The following GAREM1 variants were observed in gnomAD, a reference collection of about 807,000 sequenced individuals.
GAREM1 encodes GRB2-associated and regulator of MAPK protein 1.
A neutral mutation model predicts 71.3 loss-of-function variants in GAREM1; 26 were observed. The observed-to-expected ratio is 0.36, with a 90% CI of 0.27 to 0.51. The LOEUF (loss-of-function observed/expected upper bound fraction) is 0.51. Ranked by LOEUF, GAREM1 falls within the 20% of genes least tolerant of loss-of-function variation. The pLI, the probability that GAREM1 is intolerant of heterozygous loss-of-function variation, is 0.95. For synonymous variants in GAREM1, 440 were observed against 433.2 expected, an observed-to-expected ratio of 1.02 and a Z score of -0.20; for missense variants, 1,026 against 1,103.1, an observed-to-expected ratio of 0.93 and a Z score of 0.99.
At chr18:32,433,172 C>T (rs1188652555) in intron 1 of GAREM1, among the ~76,000 whole-genome samples, 1 of 150,854 alleles carries the variant, frequency 6.6e-6, no homozygotes, top group African/African-American at 2.4e-5. Flanking sequence ...AACAACCCCA[C>T]ACAGGATCGT....
At chr18:32,353,751 G>A (rs985316529) in intron 2 of GAREM1, among the ~76,000 whole-genome samples, 2 of 152,132 alleles carry the variant, frequency 1.3e-5, no homozygotes, top group Admixed American at 6.5e-5. Flanking sequence ...ATAATTCTAT[G>A]CTGTTCTACA....
In GAREM1 at chr18:32,270,432, C is replaced by T. The variant is rs375053019; in HGVS notation, c.1567-49G>A. ...GGTTAGCAACAGACTGACAATGCCA[C>T]GGGGCGCCAGCTCAATCCTGAAGAC... On this transcript the variant is annotated intron_variant, in intron 4 of 5. Coordinates refer to ENST00000269209, the MANE Select transcript of GAREM1 (RefSeq NM_001242409.2). The T allele has an allele frequency of 1.2e-4, 190 of 1,520,162 alleles. 1 individual carries two copies. The highest frequency in any genetic ancestry group is 3.5e-4 in the South Asian group (28 of 80,810). The allele number at this position is 1,520,162 out of a possible 1,614,324, so 94.2% of individuals were successfully genotyped here. A position where few individuals can be genotyped will look rare whatever the true frequency, so the allele number is the denominator to read the frequency against.
intron 2 of GAREM1, among the ~76,000 whole-genome samples, chr18:32,358,264 T>C (rs555618094): frequency 6.6e-6 from 1 of 151,994 alleles, no homozygotes; most frequent in Non-Finnish European, 1.5e-5. Context: ...CAGTCTGCCA[T>C]GCAGTGACCA....
At chr18:32,272,036 C>T (rs879743745) in intron 4 of GAREM1, among the ~76,000 whole-genome samples, 13 of 152,308 alleles carry the variant, frequency 8.5e-5, no homozygotes, top group Non-Finnish European at 1.8e-4. Flanking sequence ...CCAAGTTTTT[C>T]ACCTTCACTT....
chr18:32,406,573 T>A (rs2048369268), intron 1 of GAREM1, among the ~76,000 whole-genome samples: 1 of 152,172 alleles, frequency 6.6e-6, no homozygotes, highest in South Asian at 2.1e-4. Flanking sequence ...ATGAAAATGT[T>A]GTCTGCGAAA....
At chr18:32,282,230 C>A (rs2046961391) in intron 4 of GAREM1, among the ~76,000 whole-genome samples, 1 of 152,100 alleles carries the variant, frequency 6.6e-6, no homozygotes, top group Admixed American at 6.5e-5. Flanking sequence ...ACCATCCTGG[C>A]CAACATGGTG....
At chr18:32,398,230 C>T (rs1349557478) in intron 1 of GAREM1, among the ~76,000 whole-genome samples, 2 of 152,140 alleles carry the variant, frequency 1.3e-5, no homozygotes, top group African/African-American at 4.8e-5. Flanking sequence ...CCAAAATTAA[C>T]ACCCTAACAT....
intron 4 of GAREM1, among the ~76,000 whole-genome samples, chr18:32,286,779 G>C (rs1029628100): frequency 6.6e-6 from 1 of 151,930 alleles, no homozygotes; most frequent in East Asian, 1.9e-4. Flanking sequence ...TCCATTCTCC[G>C]GGCAGCAGCA....
intron 2 of GAREM1, among the ~76,000 whole-genome samples, chr18:32,381,221 C>G (rs1251107963): frequency 6.6e-6 from 1 of 152,044 alleles, no homozygotes; most frequent in Non-Finnish European, 1.5e-5. Context: ...ACATTCTTGC[C>G]ATCTAGAGGT....
rs546903779 is a variant in GAREM1 at position 32,437,949 on chromosome 18, TTGAAC to T, written c.121+32354_121+32358del. 3.8e-3 allele frequency among the ~76,000 whole-genome samples: 580 copies of T among 152,292 alleles called. 4 individuals are homozygous for T. Among genetic ancestry groups the T allele is most frequent in the African/African-American group, 0.013 (558 of 41,568 alleles). On this transcript the variant is annotated intron_variant, in intron 1 of 5. Transcript: ENST00000269209. ...CTCATGATGTTCCATCTAAAAACAG[TTGAAC>T]TGATCTCTTTAAAATGGTAAACTAA...
Position 32,382,996 on chromosome 18 carries a change from C to T in GAREM1, c.262+9899G>A, listed in dbSNP as rs113449149. On this transcript the variant is annotated intron_variant, in intron 2 of 5. Transcript: ENST00000269209. ...AATGTAGAAGGCATGAATGGAAAAA[C>T]GGAATCTTTCTCATGTCTATGTGTC... Among the ~76,000 whole-genome samples, 251 of 152,174 alleles carry T rather than the reference C, an allele frequency of 1.6e-3. 1 individual carries two copies. The highest frequency in any genetic ancestry group is 5.7e-3 in the African/African-American group (235 of 41,544).
chr18:32,369,485 G>A (rs1288376304), intron 2 of GAREM1, among the ~76,000 whole-genome samples: 2 of 152,160 alleles, frequency 1.3e-5, no homozygotes, highest in Non-Finnish European at 2.9e-5. Flanking sequence ...ATGGAGATGG[G>A]TGGAGGGAGG....
chr18:32,302,283 A>G (rs2047208847), intron 3 of GAREM1, among the ~76,000 whole-genome samples: 1 of 152,230 alleles, frequency 6.6e-6, no homozygotes, highest in South Asian at 2.1e-4. Flanking sequence ...TAAAAGAAGC[A>G]GGATTAGGCA....
intron 2 of GAREM1, among the ~76,000 whole-genome samples, chr18:32,359,274 G>C (rs1462802896): frequency 2.0e-5 from 3 of 151,994 alleles, no homozygotes; most frequent in Non-Finnish European, 2.9e-5. Context: ...CTAACTCTTG[G>C]AGCAGTTTCT....
rs1567980564 is a variant in GAREM1 at position 32,364,007 on chromosome 18, TATA to T, written c.262+28885_262+28887del. On this transcript the variant is annotated intron_variant, in intron 2 of 5. Transcript: ENST00000269209. ...AAATACATATATACATATATATATATATATATATATATATATATATGTTTTTTT... is the reference window on the plus strand; with the variant it reads ...AAATACATATATACATATATATATATTATATATATATATATATGTTTTTTT... Among the ~76,000 whole-genome samples, 39 of 48,004 alleles carry T rather than the reference TATA, an allele frequency of 8.1e-4. 2 individuals carry two copies. The highest frequency in any genetic ancestry group is 3.8e-3 in the African/African-American group (38 of 9,888). The allele number at this position is 48,004 out of a possible 152,430, so 31.5% of individuals were successfully genotyped here.
intron 1 of GAREM1, among the ~76,000 whole-genome samples, chr18:32,408,387 T>C (rs552777726): frequency 1.3e-5 from 2 of 152,184 alleles, no homozygotes; most frequent in Non-Finnish European, 2.9e-5. Context: ...TTGATAAAAC[T>C]AAGTCAGGAG....
At chr18:32,445,279 A>G (rs1317245584) in intron 1 of GAREM1, among the ~76,000 whole-genome samples, 1 of 152,200 alleles carries the variant, frequency 6.6e-6, no homozygotes, top group Non-Finnish European at 1.5e-5. Context: ...GGTAAATTAC[A>G]GAATTATTAA....
At chr18:32,312,442 C>T (rs1029041693) in intron 2 of GAREM1, among the ~76,000 whole-genome samples, 1 of 152,092 alleles carries the variant, frequency 6.6e-6, no homozygotes, top group Admixed American at 6.5e-5. Context: ...GGGCTGAAAA[C>T]TGTAGGATTC....
At chr18:32,452,811 T>C (rs1166835181) in intron 1 of GAREM1, among the ~76,000 whole-genome samples, 2 of 151,922 alleles carry the variant, frequency 1.3e-5, no homozygotes, top group Non-Finnish European at 2.9e-5. Context: ...AACTGTTACT[T>C]TGAGGATCCA....
Sources: allele counts gnomAD v4.1 joint callset (sites outside exome capture counted in the v4.1 genomes callset), GRCh38; gene constraint gnomAD v4.1.1; transcripts MANE v1.5; gene names NCBI Gene and HGNC (gene_info 2026-07-23, HGNC 2026-07-21).